WDR64: variants seen among roughly 807,000 people sequenced by gnomAD.
The protein encoded by WDR64 is WD repeat-containing protein 64.
In WDR64, 112 loss-of-function variants were observed where a neutral mutation model predicts 139.3. The observed-to-expected ratio is 0.80, with a 90% CI of 0.69 to 0.94. WDR64 has a LOEUF of 0.94. Among genes scored for constraint, WDR64 ranks in the 40% least tolerant of loss-of-function variants. The pLI is 0.00. For synonymous variants in WDR64, 444 were observed against 437.7 expected (o/e 1.01, Z -0.18); for missense variants, 1,206 against 1,293.1 (o/e 0.93, Z 1.03).
intron 10 of WDR64, among the ~76,000 whole-genome samples, chr1:241,731,624 G>A (rs1035027302): frequency 2.0e-5 from 3 of 152,174 alleles, no homozygotes; most frequent in African/African-American, 7.2e-5. Context: ...GTGGGACTGA[G>A]GAGTCCAGAG....
At chr1:241,663,901 A>G (rs569051611) in intron 2 of WDR64, among the ~76,000 whole-genome samples, 11 of 152,346 alleles carry the variant, frequency 7.2e-5, no homozygotes, top group Non-Finnish European at 1.3e-4. Flanking sequence ...AACACTGCAG[A>G]TGGAATCATA....
intron 19 of WDR64, among the ~76,000 whole-genome samples, chr1:241,772,451 CTTTTTTTTTTTTTTTT>C (rs534177884): frequency 3.4e-5 from 2 of 59,020 alleles, no homozygotes; most frequent in African/African-American, 6.4e-5. Flanking sequence ...AAGATAGATC[CTTTTTTTTTTTTTTTT>C]TTTTTTTTTT....
intron 2 of WDR64, among the ~76,000 whole-genome samples, chr1:241,669,739 A>G (rs569979649): frequency 1.3e-5 from 2 of 152,236 alleles, no homozygotes; most frequent in African/African-American, 4.8e-5. Context: ...TTAAAATATT[A>G]ATATAATGTT....
At chr1:241,655,347 C>A (rs1056873120) in intron 1 of WDR64, among the ~76,000 whole-genome samples, 2 of 152,138 alleles carry the variant, frequency 1.3e-5, no homozygotes, top group African/African-American at 4.8e-5. Context: ...CAAGATCGCA[C>A]CACTGCACTC....
At chr1:241,729,251 C>T (rs1668980718) in intron 10 of WDR64, among the ~76,000 whole-genome samples, 1 of 152,134 alleles carries the variant, frequency 6.6e-6, no homozygotes, top group African/African-American at 2.4e-5. Context: ...AGTTCAGACC[C>T]ATCCACCAAG....
chr1:241,654,925 T>C (rs10926527), intron 1 of WDR64, among the ~76,000 whole-genome samples: 141,806 of 152,216 alleles, frequency 0.93, 66,592 homozygotes, highest in Non-Finnish European at 0.98. Flanking sequence ...ATTCCCAAGA[T>C]ATCTCACTAT....
intron 5 of WDR64, 95 bp from the exon 6 acceptor site, chr1:241,679,390 G>T: frequency 1.9e-6 from 2 of 1,040,138 alleles, no homozygotes; most frequent in Non-Finnish European, 2.9e-6. Context: ...GCAGCAAAAT[G>T]GAGCTTTTAG....
chr1:241,742,305 G>A lies in WDR64; in HGVS notation c.1470+641G>A, dbSNP rs574456307. ...GAACCACAGCAACTCCATCTTGAAT[G>A]AGGCTGGGTAAAATGAGGCTGAGAG... On this transcript the variant is annotated intron_variant, in intron 12 of 27. Transcript: ENST00000437684. 3.3e-5 allele frequency among the ~76,000 whole-genome samples: 5 copies of A among 152,304 alleles called. No homozygotes were observed. In the East Asian group the frequency reaches 9.6e-4, roughly 29 times the overall value.
At chr1:241,798,977 C>A (rs1322153456) in intron 27 of WDR64, among the ~76,000 whole-genome samples, 2 of 151,862 alleles carry the variant, frequency 1.3e-5, no homozygotes, top group African/African-American at 2.4e-5. Flanking sequence ...GAAAGTGTAA[C>A]CCATTTTCAA....
intron 12 of WDR64, among the ~76,000 whole-genome samples, chr1:241,744,026 A>T (rs1669652163): frequency 6.6e-6 from 1 of 152,138 alleles, no homozygotes; most frequent in South Asian, 2.1e-4. Context: ...GATAACTAGG[A>T]TGAGTGTCAC....
chr1:241,767,782 T>C (rs1446945766), intron 16 of WDR64, among the ~76,000 whole-genome samples: 1 of 152,186 alleles, frequency 6.6e-6, no homozygotes, highest in Non-Finnish European at 1.5e-5. Context: ...ATTTCTTCTC[T>C]TTGAACCTTT....
In WDR64 at chr1:241,779,473, T is replaced by C. The variant is rs188333382; in HGVS notation, c.2537-531T>C. ...CCCTGATCTCTAAAAGAACTCTAAG[T>C]GGGTGAAGCAATCTCATTAAGACTT... is the stretch of plus-strand genomic sequence containing the variant. On this transcript the variant is annotated intron_variant, in intron 21 of 27. Coordinates refer to ENST00000437684, the MANE Select transcript of WDR64 (RefSeq NM_001367482.1). 3.1e-3 allele frequency among the ~76,000 whole-genome samples: 477 copies of C among 152,262 alleles called. 3 individuals are homozygous for C. The highest frequency in any genetic ancestry group is 5.1e-3 in the Non-Finnish European group (348 of 68,016).
chr1:241,673,867 T>A (rs74150348), intron 3 of WDR64, among the ~76,000 whole-genome samples: 5 of 152,158 alleles, frequency 3.3e-5, no homozygotes, highest in Non-Finnish European at 7.3e-5. Context: ...TTAATGACAG[T>A]CCTAGTTTCA....
intron 27 of WDR64, 52 bp downstream of exon 27, chr1:241,796,422 CTGTT>C (rs775189369): frequency 7.3e-6 from 9 of 1,228,798 alleles, no homozygotes; most frequent in African/African-American, 1.5e-5. Flanking sequence ...TATCCTATTT[CTGTT>C]TGTTTTTTTA....
At chr1:241,653,354 G>A (rs1665437842) in intron 1 of WDR64, among the ~76,000 whole-genome samples, 1 of 152,166 alleles carries the variant, frequency 6.6e-6, no homozygotes. Flanking sequence ...AGTGTGCCAG[G>A]CTGCATAGTA....
intron 25 of WDR64, among the ~76,000 whole-genome samples, chr1:241,794,424 A>G (rs945299630): frequency 2.0e-5 from 3 of 151,860 alleles, no homozygotes; most frequent in African/African-American, 7.3e-5. Flanking sequence ...ACACTAAGTA[A>G]ATTTGGAGAA....
At chr1:241,758,236 AT>A (rs113803616) in intron 15 of WDR64, among the ~76,000 whole-genome samples, 4,077 of 144,860 alleles carry the variant, frequency 0.028, 186 homozygotes, top group African/African-American at 0.096. Context: ...TACAACATTG[AT>A]TTTTTTTTTT....
chr1:241,667,821 C>A (rs1666078474), intron 2 of WDR64, among the ~76,000 whole-genome samples: 1 of 152,198 alleles, frequency 6.6e-6, no homozygotes. Flanking sequence ...GGACTTCAAA[C>A]CTACTGAACT....
chr1:241,772,451 C>CTTTTTTTTTTTTTTTTTTT lies in WDR64; in HGVS notation c.2291-330_2291-312dup, dbSNP rs534177884. On this transcript the variant is annotated intron_variant, in intron 19 of 27. Coordinates refer to ENST00000437684, the MANE Select transcript of WDR64 (RefSeq NM_001367482.1). ...AGTATTGCAAATTCCAAGATAGATC[C>CTTTTTTTTTTTTTTTTTTT]TTTTTTTTTTTTTTTTTTTTTTTTT... 1.2e-4 allele frequency among the ~76,000 whole-genome samples: 7 copies of CTTTTTTTTTTTTTTTTTTT among 59,054 alleles called. 1 individual carries two copies. The highest frequency in any genetic ancestry group is 2.8e-4 in the Admixed American group (1 of 3,518). 38.7% of individuals were successfully genotyped at this position (59,054 alleles called of 152,430 possible). A position where few individuals can be genotyped will look rare whatever the true frequency, so the allele number is the denominator to read the frequency against.
Sources: gnomAD v4.1 joint callset for allele counts (sites outside exome capture counted in the v4.1 genomes callset) on GRCh38, gnomAD v4.1.1 for gene constraint, MANE v1.5 for transcripts, NCBI Gene and HGNC (gene_info 2026-07-23, HGNC 2026-07-21) for gene names.